HAPLN1: variants seen among roughly 807,000 people sequenced by gnomAD.
The protein encoded by HAPLN1 is Cartilage link protein.
In HAPLN1, 13 loss-of-function variants were observed where a neutral mutation model predicts 36.5. The ratio of observed to expected loss-of-function variants is 0.36; its 90% CI spans 0.23 to 0.57. The LOEUF (loss-of-function observed/expected upper bound fraction) is 0.57, where lower values mean the gene tolerates loss of function less well. Among genes scored for constraint, HAPLN1 ranks in the 20% least tolerant of loss-of-function variants. HAPLN1 has a pLI of 0.83. For missense variants in HAPLN1, 407 were observed against 439.7 expected, an observed-to-expected ratio of 0.93 and a Z score of 0.66; for synonymous variants, 202 against 169.8, an observed-to-expected ratio of 1.19 and a Z score of -1.48.
intron 1 of HAPLN1, among the ~76,000 whole-genome samples, chr5:83,716,897 T>C (rs1405020514): frequency 1.3e-5 from 2 of 152,086 alleles, no homozygotes; most frequent in East Asian, 3.9e-4. Context: ...CCGGGCATGG[T>C]GACACATGCT....
chr5:83,647,486 C>A (rs555658940), intron 3 of HAPLN1, among the ~76,000 whole-genome samples: 3 of 152,186 alleles, frequency 2.0e-5, no homozygotes, highest in South Asian at 4.2e-4. Flanking sequence ...ACAAGCAGGG[C>A]CATTTTTGGA....
intron 1 of HAPLN1, chr5:83,685,832 G>T (rs1202841411): frequency 6.6e-6 from 1 of 152,090 alleles, no homozygotes; most frequent in Admixed American, 6.6e-5. Context: ...TTTCTCTCTT[G>T]TCGGTGCCTC....
At chr5:83,680,118 C>G (rs1310144719) in intron 1 of HAPLN1, among the ~76,000 whole-genome samples, 1 of 152,184 alleles carries the variant, frequency 6.6e-6, no homozygotes, top group Admixed American at 6.6e-5. Flanking sequence ...ACTCAGCAAC[C>G]TTTCACCTAA....
intron 1 of HAPLN1, among the ~76,000 whole-genome samples, chr5:83,719,050 C>T (rs1751970842): frequency 6.6e-6 from 1 of 152,110 alleles, no homozygotes; most frequent in African/African-American, 2.4e-5. Flanking sequence ...TGTATTTATC[C>T]TGGATGTGTT....
intron 1 of HAPLN1, among the ~76,000 whole-genome samples, chr5:83,715,333 A>G (rs746090148): frequency 2.0e-5 from 3 of 152,234 alleles, no homozygotes; most frequent in Non-Finnish European, 4.4e-5. Context: ...GAGAACTATC[A>G]GATCCTCTGG....
At chr5:83,711,556 G>C (rs2112639046) in intron 1 of HAPLN1, among the ~76,000 whole-genome samples, 1 of 152,284 alleles carries the variant, frequency 6.6e-6, no homozygotes, top group South Asian at 2.1e-4. Flanking sequence ...TAGGTAGGAG[G>C]AATGAAGAAA....
At chr5:83,642,448 C>T (rs1749728907) in intron 4 of HAPLN1, among the ~76,000 whole-genome samples, 1 of 152,072 alleles carries the variant, frequency 6.6e-6, no homozygotes, top group African/African-American at 2.4e-5. Flanking sequence ...ACCCTGACAC[C>T]TAACTATTTC....
chr5:83,669,426 G>T (rs546062986), intron 2 of HAPLN1, among the ~76,000 whole-genome samples: 1 of 152,158 alleles, frequency 6.6e-6, no homozygotes, highest in Non-Finnish European at 1.5e-5. Context: ...TTGAACCTGG[G>T]AGGCAGAGGT....
At chr5:83,659,845 G>A (rs3777048) in intron 2 of HAPLN1, among the ~76,000 whole-genome samples, 111,789 of 151,916 alleles carry the variant, frequency 0.74, 41,804 homozygotes, top group African/African-American at 0.87. Flanking sequence ...ATTGTTGTCT[G>A]GTTTTGAACC....
At chr5:83,681,322 A>G (rs1678775839) in intron 1 of HAPLN1, among the ~76,000 whole-genome samples, 1 of 152,160 alleles carries the variant, frequency 6.6e-6, no homozygotes, top group African/African-American at 2.4e-5. Context: ...TAAAGCCATC[A>G]GAAGGCCCCT....
chr5:83,675,634 G>A (rs188149279), intron 1 of HAPLN1, among the ~76,000 whole-genome samples: 1 of 151,926 alleles, frequency 6.6e-6, no homozygotes, highest in Admixed American at 6.6e-5. Flanking sequence ...TACTACTAAG[G>A]GTTCATTCCA....
rs1319117849 is a variant in HAPLN1, at chr5:83,718,402, C to A, written c.-27+2387G>T. 7.9e-5 allele frequency among the ~76,000 whole-genome samples: 12 copies of A among 152,150 alleles called. No homozygotes were observed. In the East Asian group the frequency reaches 2.3e-3, roughly 29 times the overall value. Reference sequence around the variant, plus strand: ...TCTTTGACTTATCCACTAGGTGGCACACAGGGACCATGCTTCACACAGTTA... The same window carrying A: ...TCTTTGACTTATCCACTAGGTGGCAAACAGGGACCATGCTTCACACAGTTA... On this transcript the variant is annotated intron_variant, in intron 1 of 4. Transcript: ENST00000274341.
At chr5:83,652,154 T>A (rs753558964) in intron 3 of HAPLN1, 4 of 363,738 alleles carry the variant, frequency 1.1e-5, no homozygotes, top group Non-Finnish European at 1.9e-5. Flanking sequence ...AACCATATAA[T>A]GGAATTTAGA....
intron 1 of HAPLN1, among the ~76,000 whole-genome samples, chr5:83,679,805 G>C (rs531446711): frequency 6.6e-6 from 1 of 152,316 alleles, no homozygotes; most frequent in African/African-American, 2.4e-5. Flanking sequence ...ATGAAGAAGT[G>C]ATTCAACTGC....
At chr5:83,717,889 C>T (rs1283847061) in intron 1 of HAPLN1, among the ~76,000 whole-genome samples, 1 of 152,186 alleles carries the variant, frequency 6.6e-6, no homozygotes, top group Admixed American at 6.5e-5. Flanking sequence ...ACTTGTACTA[C>T]TATCCTTTCC....
intron 1 of HAPLN1, chr5:83,682,612 A>G (rs1409422315): frequency 1.3e-5 from 2 of 152,174 alleles, no homozygotes; most frequent in East Asian, 1.9e-4. Flanking sequence ...ATTTGTCCCC[A>G]TCCTACGTCA....
At chr5:83,667,566 T>C (rs1243093188) in intron 2 of HAPLN1, among the ~76,000 whole-genome samples, 1 of 152,188 alleles carries the variant, frequency 6.6e-6, no homozygotes, top group Non-Finnish European at 1.5e-5. Flanking sequence ...TAAGATATTC[T>C]GCCTCAAAAA....
intron 1 of HAPLN1, among the ~76,000 whole-genome samples, chr5:83,708,713 T>TA (rs1011088908): frequency 2.6e-5 from 4 of 151,852 alleles, no homozygotes; most frequent in African/African-American, 9.7e-5. Flanking sequence ...AACTAAAAGT[T>TA]AAAAAAAAGG....
chr5:83,660,303 A>G (rs1381584373), intron 2 of HAPLN1, among the ~76,000 whole-genome samples: 1 of 152,196 alleles, frequency 6.6e-6, no homozygotes, highest in Non-Finnish European at 1.5e-5. Flanking sequence ...GTTATGATCC[A>G]TGTTTCATAG....
Sources: allele counts gnomAD v4.1 joint callset (sites outside exome capture counted in the v4.1 genomes callset), GRCh38; gene constraint gnomAD v4.1.1; transcripts MANE v1.5; gene names NCBI Gene and HGNC (gene_info 2026-07-23, HGNC 2026-07-21).